MME: variants seen among roughly 807,000 people sequenced by gnomAD.
The protein encoded by MME is neprilysin.
In MME, 98 loss-of-function variants were observed where a neutral mutation model predicts 113.2. The observed-to-expected ratio is 0.87, with a 90% CI of 0.74 to 1.02. The LOEUF is 1.02. Ranked by LOEUF, MME falls within the 50% of genes least tolerant of loss-of-function variation. The pLI is 0.00. For missense variants in MME, 836 were observed against 896.0 expected, an observed-to-expected ratio of 0.93 and a Z score of 0.86; for synonymous variants, 292 against 300.6, an observed-to-expected ratio of 0.97 and a Z score of 0.30.
chr3:155,151,231 G>T (rs1043820992), intron 16 of MME, among the ~76,000 whole-genome samples: 9 of 152,092 alleles, frequency 5.9e-5, no homozygotes, highest in Non-Finnish European at 1.2e-4. Context: ...TACATTTTCA[G>T]ATGCTCAAGA....
rs554040279 is a variant in MME at position 155,127,849 on chromosome 3, T to C, written c.720+9038T>C. On this transcript the variant is annotated intron_variant, in intron 8 of 22. Transcript: ENST00000360490. ...ATTCTACTACATTATTACAATTTCTTAAGAGTTGGTACTTCATACTAGTAG... is the reference window on the plus strand; with the variant it reads ...ATTCTACTACATTATTACAATTTCTCAAGAGTTGGTACTTCATACTAGTAG... 9.8e-5 allele frequency among the ~76,000 whole-genome samples: 15 copies of C among 152,352 alleles called. No individual in the cohort carries two copies. In the South Asian group the frequency reaches 3.1e-3, roughly 32 times the overall value.
chr3:155,092,523 C>G (rs572754176), intron 3 of MME, among the ~76,000 whole-genome samples: 1 of 152,154 alleles, frequency 6.6e-6, no homozygotes, highest in South Asian at 2.1e-4. Context: ...TAAATGAAAA[C>G]ACATATCCTC....
intron 1 of MME, among the ~76,000 whole-genome samples, chr3:155,054,997 T>G (rs1713879062): frequency 6.6e-6 from 1 of 152,204 alleles, no homozygotes; most frequent in South Asian, 2.1e-4. Flanking sequence ...CTTGAAAAAT[T>G]GTTTGGAGCA....
Position 155,142,173 on chromosome 3 carries a change from TCA to T in MME, c.1094+48_1094+49del, listed in dbSNP as rs775572968. 35 of 1,613,468 alleles carry T rather than the reference TCA, an allele frequency of 2.2e-5. No homozygotes were observed. In the East Asian group the frequency reaches 7.6e-4, roughly 35 times the overall value. On this transcript the variant is annotated intron_variant, in intron 11 of 22. Transcript: ENST00000360490. The stretch of plus-strand genomic sequence containing the variant: ...ATGTCCTCAAAGTTTGCATTTCATA[TCA>T]CTCTTCAGAAGCTTTGCAGCCTCAT...
In MME at chr3:155,118,663, T is replaced by A. The variant is rs1718825649; in HGVS notation, c.655-83T>A. 1.1e-5 allele frequency: 10 copies of A among 890,288 alleles called. 1 individual carries two copies. Among genetic ancestry groups the A allele is most frequent in the South Asian group, 4.3e-5 (3 of 69,942 alleles). The allele number at this position is 890,288 out of a possible 1,614,324, so 55.1% of individuals were successfully genotyped here. On this transcript the variant is annotated intron_variant, in intron 7 of 22. Transcript: ENST00000360490. ...AACAGCAAGAGTAGGATCTTTCACA[T>A]ACATAGATAGACATGCTTGTATTTT...
At chr3:155,092,500 G>A (rs1255958869) in intron 3 of MME, among the ~76,000 whole-genome samples, 1 of 152,032 alleles carries the variant, frequency 6.6e-6, no homozygotes, top group African/African-American at 2.4e-5. Flanking sequence ...CTACTCCTAG[G>A]TGTTACTTAA....
chr3:155,168,414 C>T (rs1376813158), intron 18 of MME, 78 bp from the exon 19 acceptor site: 15 of 1,253,120 alleles, frequency 1.2e-5, no homozygotes, highest in Non-Finnish European at 1.6e-5. Context: ...GTATTTCAGT[C>T]CTTGCACTTT....
intron 1 of MME, among the ~76,000 whole-genome samples, chr3:155,029,557 A>AC (rs141033359): frequency 0.053 from 8,022 of 151,966 alleles, 614 homozygotes; most frequent in African/African-American, 0.17. Context: ...AATTTAGCTC[A>AC]AGCCAAGTCA....
chr3:155,087,188 T>A (rs1715830196), intron 3 of MME, among the ~76,000 whole-genome samples: 1 of 151,780 alleles, frequency 6.6e-6, no homozygotes, highest in Admixed American at 6.6e-5. Context: ...TGCAAAAAAA[T>A]GACGGGAAAA....
chr3:155,144,512 T>A, intron 14 of MME, 55 bp downstream of exon 14: 1 of 1,169,720 alleles, frequency 8.5e-7, no homozygotes, highest in Non-Finnish European at 1.3e-6. Flanking sequence ...ATAGGAAAAA[T>A]TAACTTTAAA....
chr3:155,115,183 A>G lies in MME; in HGVS notation c.358+28A>G, dbSNP rs762419866. On this transcript the variant is annotated intron_variant, in intron 4 of 22. Transcript: ENST00000360490. ...TAGTAGAGATTGTGTCTGTGCATCA[A>G]AGATTTCTCTCTTAATATGTTCATT... is the stretch of plus-strand genomic sequence containing the variant. 2.7e-5 allele frequency: 44 copies of G among 1,610,926 alleles called. 2 individuals carry two copies. In the South Asian group the frequency reaches 3.4e-4, roughly 12 times the overall value.
intron 3 of MME, among the ~76,000 whole-genome samples, chr3:155,086,573 G>A (rs1353792962): frequency 2.6e-5 from 4 of 152,150 alleles, no homozygotes; most frequent in Admixed American, 6.5e-5. Context: ...ACAGAGAAGT[G>A]TATGAAGCTA....
intron 3 of MME, among the ~76,000 whole-genome samples, chr3:155,110,248 T>C (rs1373041203): frequency 6.6e-6 from 1 of 152,226 alleles, no homozygotes; most frequent in Non-Finnish European, 1.5e-5. Flanking sequence ...GGGAAGAGTG[T>C]GGGCTCAGAG....
intron 16 of MME, 21 bp from the exon 17 acceptor site, chr3:155,160,367 AAG>A (rs1491223716): frequency 1.3e-6 from 2 of 1,541,528 alleles, no homozygotes; most frequent in South Asian, 1.1e-5. Flanking sequence ...ATCATTTGTA[AAG>A]AGTTCTTATG....
At chr3:155,064,766 C>T (rs1469815261) in intron 1 of MME, among the ~76,000 whole-genome samples, 1 of 152,162 alleles carries the variant, frequency 6.6e-6, no homozygotes, top group Non-Finnish European at 1.5e-5. Context: ...AAATATATTG[C>T]CTCACCAGTC....
chr3:155,046,639 G>A lies in MME; in HGVS notation c.-11+22315G>A, dbSNP rs188281041. ...CAGGAGGCAGAGGTTTCAGTGAGCT[G>A]AGATCACGCCACTGCCCTCCAGCCT... is the stretch of plus-strand genomic sequence containing the variant. On this transcript the variant is annotated intron_variant, in intron 1 of 22. Coordinates refer to the MME transcript ENST00000492661. Among the ~76,000 whole-genome samples, 454 of 152,280 alleles carry A rather than the reference G, an allele frequency of 3.0e-3. 1 individual carries two copies. Among genetic ancestry groups the A allele is most frequent in the African/African-American group, 0.01 (433 of 41,554 alleles).
intron 21 of MME, 116 bp downstream of exon 21, chr3:155,172,328 C>T: frequency 2.4e-6 from 2 of 833,234 alleles, no homozygotes; most frequent in Non-Finnish European, 4.1e-6. Flanking sequence ...ACTTGATTCA[C>T]TTTCATTGTT....
intron 8 of MME, among the ~76,000 whole-genome samples, chr3:155,137,662 C>T (rs1321422709): frequency 6.6e-6 from 1 of 152,082 alleles, no homozygotes; most frequent in African/African-American, 2.4e-5. Context: ...GCTAAGACAG[C>T]ACCACTGCAC....
chr3:155,069,163 C>T (rs1714474321), intron 1 of MME, among the ~76,000 whole-genome samples: 1 of 151,698 alleles, frequency 6.6e-6, no homozygotes, highest in Admixed American at 6.6e-5. Flanking sequence ...GCCATGAGAT[C>T]AAAGCTGAAA....
Sources: gnomAD v4.1 joint callset for allele counts (sites outside exome capture counted in the v4.1 genomes callset) on GRCh38, gnomAD v4.1.1 for gene constraint, MANE v1.5 for transcripts, NCBI Gene and HGNC (gene_info 2026-07-23, HGNC 2026-07-21) for gene names.